The following NRK variants were observed in gnomAD, a reference collection of about 807,000 sequenced individuals.
The protein encoded by NRK is Nik related kinase, also known as nik-related protein kinase.
In NRK, 67 loss-of-function variants were observed where a neutral mutation model predicts 125.2. The ratio of observed to expected loss-of-function variants is 0.54; its 90% CI spans 0.44 to 0.66. The LOEUF is 0.66. Ranked by LOEUF, NRK falls within the 30% of genes least tolerant of loss-of-function variation. The probability of loss-of-function intolerance (pLI) is 0.00; values close to 1 mark genes in which losing one functional copy is unlikely to be tolerated. For synonymous variants in NRK, 458 were observed against 429.0 expected (o/e 1.07, Z -0.84); for missense variants, 1,224 against 1,192.9 (o/e 1.03, Z -0.38).
At chrX:105,921,432 G>A (rs1448175615) in intron 16 of NRK, among the ~76,000 whole-genome samples, 1 of 105,881 alleles carries the variant, frequency 9.4e-6, no homozygotes, top group Non-Finnish European at 1.9e-5. Flanking sequence ...GTATACATAT[G>A]TAACTAACCT....
At chrX:105,823,054 GA>G (rs1003820275) in intron 1 of NRK, among the ~76,000 whole-genome samples, 152 bp downstream of exon 1, 3 of 113,269 alleles carry the variant, frequency 2.6e-5, no homozygotes, top group African/African-American at 9.6e-5. Context: ...CCGGCATGCG[GA>G]AAAGGCGCCC....
At chrX:105,885,691 T>A (rs1171366196) in intron 4 of NRK, among the ~76,000 whole-genome samples, 3 of 111,784 alleles carry the variant, frequency 2.7e-5, no homozygotes, top group South Asian at 7.4e-4. Context: ...CACTCCACTA[T>A]AATTAATATG....
chrX:105,909,775 C>A lies in NRK; in HGVS notation c.2134C>A (p.Pro712Thr), dbSNP rs765735236. 4.2e-6 allele frequency: 5 copies of A among 1,181,412 alleles called. No homozygotes were observed. The African/African-American group carries it at 8.9e-5, about 21-fold the overall frequency. ...KRFRAKSSWR[P>T]EKLELSDLEA... ...GTTCAGGGCAAAGTCATCATGGAGA[C>A]CTGAAAAGCTTGAACTCTCGGATTT... Residue 712 changes from proline (P) to threonine (T), a missense_variant, in exon 13 of 29, where the codon CCT becomes ACT. Physicochemically the swap from Pro to Thr is conservative, Grantham distance 38. Transcript: ENST00000243300.
In NRK at chrX:105,898,606, G is replaced by C. The variant is rs751746419; in HGVS notation, c.603G>C (p.Gln201His). ...CAGTTGATTTTGGAGTGAGTGCCCA[G>C]GTGAGCAGAACTAATGGAAGAAGGA... ...VKLVDFGVSA[Q>H]VSRTNGRRNS... Residue 201 changes from glutamine (Q) to histidine (H), a missense_variant, in exon 8 of 29, where the codon CAG becomes CAC. By Grantham distance (24) the Gln-to-His change is conservative. Coordinates refer to ENST00000243300, the MANE Select transcript of NRK (RefSeq NM_198465.4). The C allele has an allele frequency of 8.3e-7, 1 of 1,200,012 alleles. No individual in the cohort carries two copies. Among genetic ancestry groups the C allele is most frequent in the Non-Finnish European group, 1.1e-6 (1 of 888,227 alleles).
intron 16 of NRK, 145 bp downstream of exon 16, chrX:105,917,817 A>G: frequency 2.7e-6 from 1 of 367,745 alleles, no homozygotes; most frequent in East Asian, 4.2e-5. Context: ...CCTGAAGGCC[A>G]TTGTATTTGG....
chrX:105,913,614 T>G (rs1301752587), intron 14 of NRK, among the ~76,000 whole-genome samples: 1 of 111,610 alleles, frequency 9.0e-6, no homozygotes, highest in Non-Finnish European at 1.9e-5. Flanking sequence ...TGTGGCATCA[T>G]TTTTTCCCCT....
chrX:105,926,368 TGTTGA>T (rs2040524015), intron 19 of NRK, among the ~76,000 whole-genome samples: 1 of 112,096 alleles, frequency 8.9e-6, no homozygotes. Context: ...TGCTTTTTTC[TGTTGA>T]GTTGTTTGAG....
intron 4 of NRK, among the ~76,000 whole-genome samples, chrX:105,883,303 T>C (rs941064267): frequency 1.8e-5 from 2 of 112,543 alleles, no homozygotes; most frequent in Admixed American, 1.9e-4. Flanking sequence ...GTTTTTCTAG[T>C]TGGGGACTTT....
chrX:105,824,701 C>T (rs928479639), intron 1 of NRK, among the ~76,000 whole-genome samples: 2 of 110,402 alleles, frequency 1.8e-5, no homozygotes, highest in Non-Finnish European at 3.8e-5. Context: ...TGGTGGAGCC[C>T]AGGAGATAAG....
intron 23 of NRK, among the ~76,000 whole-genome samples, chrX:105,942,971 T>C (rs1411039282): frequency 6.3e-5 from 7 of 111,711 alleles, no homozygotes; most frequent in African/African-American, 2.3e-4. Context: ...TATTTTCTCC[T>C]ATTCTGTATG....
In NRK at chrX:105,932,666, C is replaced by T. The variant is rs1422421009; in HGVS notation, c.3313-1592C>T. On this transcript the variant is annotated intron_variant, in intron 19 of 28. Transcript: ENST00000243300. ...GATTATGCCAGTCTACTCCCCTAGC[C>T]TATTTTCTTGTCACACAAACTGGCT... Among the ~76,000 whole-genome samples, 13 of 111,532 alleles carry T rather than the reference C, an allele frequency of 1.2e-4. 1 individual carries two copies. The East Asian group carries it at 3.7e-3, about 32-fold the overall frequency.
chrX:105,918,511 A>T (rs1053499823), intron 16 of NRK, among the ~76,000 whole-genome samples: 1 of 111,885 alleles, frequency 8.9e-6, no homozygotes, highest in Non-Finnish European at 1.9e-5. Flanking sequence ...TATTCTTCTT[A>T]AGTGACTCAG....
In NRK at chrX:105,950,527, AGTGTGTGTGTGTGT is replaced by A. The variant is rs56383254; in HGVS notation, c.4513+831_4513+844del. Reference sequence around the variant, plus strand: ...GGAGAAAATAAAGGAAAAAGGCAGCAGTGTGTGTGTGTGTGTGTGTGTGTGTGTGTGTGTGTGTG... The same window carrying A: ...GGAGAAAATAAAGGAAAAAGGCAGCAGTGTGTGTGTGTGTGTGTGTGTGTG... On this transcript the variant is annotated intron_variant, in intron 27 of 28. Transcript: ENST00000243300. 2.8e-4 allele frequency among the ~76,000 whole-genome samples: 22 copies of A among 77,975 alleles called. No homozygotes were observed. The South Asian group carries it at 3.7e-3, about 13-fold the overall frequency. The allele number at this position is 77,975 out of a possible 115,157, so 67.7% of individuals were successfully genotyped here.
intron 22 of NRK, among the ~76,000 whole-genome samples, chrX:105,939,393 C>A (rs1390902328): frequency 1.8e-5 from 2 of 111,033 alleles, no homozygotes; most frequent in East Asian, 2.8e-4. Flanking sequence ...TGAAACTGTT[C>A]AACTATTTTA....
At chrX:105,824,824 G>A (rs908971222) in intron 1 of NRK, among the ~76,000 whole-genome samples, 2 of 111,051 alleles carry the variant, frequency 1.8e-5, no homozygotes, top group African/African-American at 3.3e-5. Flanking sequence ...TAATGTAAGG[G>A]GAGTAGCGAG....
At chrX:105,905,843 C>G (rs2040212854) in intron 10 of NRK, among the ~76,000 whole-genome samples, 1 of 112,067 alleles carries the variant, frequency 8.9e-6, no homozygotes, top group South Asian at 3.7e-4. Context: ...ATTGCTTTCC[C>G]TGGTAGAAGT....
At chrX:105,882,078 A>G (rs1365351799) in intron 4 of NRK, among the ~76,000 whole-genome samples, 2 of 110,957 alleles carry the variant, frequency 1.8e-5, no homozygotes, top group Admixed American at 1.9e-4. Flanking sequence ...CTGGCTGAAT[A>G]GCAACAAAAA....
intron 15 of NRK, 116 bp from the exon 16 acceptor site, chrX:105,917,462 C>A (rs1221923826): frequency 1.5e-5 from 5 of 344,533 alleles, no homozygotes; most frequent in African/African-American, 1.3e-4. Context: ...ACTTCTTTTT[C>A]AGTTTGATAT....
intron 5 of NRK, among the ~76,000 whole-genome samples, chrX:105,890,181 C>T (rs2039999577): frequency 8.9e-6 from 1 of 111,760 alleles, no homozygotes; most frequent in Non-Finnish European, 1.9e-5. Context: ...CCGCCAGTCT[C>T]TTTGCTTAAA....
Sources: allele counts gnomAD v4.1 joint callset (sites outside exome capture counted in the v4.1 genomes callset), GRCh38; gene constraint gnomAD v4.1.1; transcripts MANE v1.5; gene names NCBI Gene and HGNC (gene_info 2026-07-23, HGNC 2026-07-21).